XKR9: variants seen among roughly 807,000 people sequenced by gnomAD.
XKR9 encodes the protein XK-related protein 9.
XKR9 carries 32 observed loss-of-function variants against 32.0 expected under a neutral mutation model. The ratio of observed to expected loss-of-function variants is 1.00; its 90% CI spans 0.76 to 1.34. The LOEUF is 1.34. XKR9 is among the 40% of genes most tolerant of loss of function. The pLI is 0.00. For missense variants in XKR9, 546 were observed against 429.7 expected (o/e 1.27, Z -2.39); for synonymous variants, 168 against 143.4 (o/e 1.17, Z -1.22).
chr8:70,899,180 G>A, the XKR9 span, among the ~76,000 whole-genome samples: 2 of 151,938 alleles, frequency 1.3e-5, no homozygotes, highest in African/African-American at 2.4e-5. Context: ...ATTTGTCTTC[G>A]GTGTAAGGCA....
the XKR9 span, among the ~76,000 whole-genome samples, chr8:70,865,952 A>G: frequency 5.9e-5 from 9 of 152,234 alleles, no homozygotes; most frequent in African/African-American, 1.9e-4. Flanking sequence ...GGTGAAGGAA[A>G]GTATTGAGGT....
chr8:70,695,609 G>A (rs1423956890), intron 3 of XKR9, among the ~76,000 whole-genome samples: 1 of 151,772 alleles, frequency 6.6e-6, no homozygotes, highest in African/African-American at 2.4e-5. Context: ...CCAAGTCTTT[G>A]CTATTGTGAA....
At chr8:70,913,157 A>G in the XKR9 span, among the ~76,000 whole-genome samples, 1 of 152,200 alleles carries the variant, frequency 6.6e-6, no homozygotes, top group Non-Finnish European at 1.5e-5. Context: ...AATCCTATTG[A>G]GTGGGAATTT....
At chr8:70,779,343 T>A (rs1367575180) in intron 2 of XKR9, among the ~76,000 whole-genome samples, 1 of 152,196 alleles carries the variant, frequency 6.6e-6, no homozygotes, top group Non-Finnish European at 1.5e-5. Context: ...TGCTGCTGGA[T>A]TCAGTTTGCC....
At chr8:70,702,664 T>C (rs1805579750) in intron 3 of XKR9, among the ~76,000 whole-genome samples, 1 of 152,200 alleles carries the variant, frequency 6.6e-6, no homozygotes, top group African/African-American at 2.4e-5. Flanking sequence ...CTTATATTAT[T>C]ATGACATGTT....
intron 2 of XKR9, among the ~76,000 whole-genome samples, chr8:70,743,917 G>T (rs528991566): frequency 1.3e-5 from 2 of 151,948 alleles, no homozygotes; most frequent in Non-Finnish European, 2.9e-5. Context: ...GCTGTGAAGT[G>T]CTTTGAGGTA....
At chr8:71,019,653 C>A in the XKR9 span, among the ~76,000 whole-genome samples, 27 of 152,102 alleles carry the variant, frequency 1.8e-4, no homozygotes, top group Non-Finnish European at 1.5e-4. Flanking sequence ...TTAGATTAAG[C>A]CACACTTTGA....
At chr8:70,821,858 AG>A in the XKR9 span, among the ~76,000 whole-genome samples, 2 of 152,098 alleles carry the variant, frequency 1.3e-5, no homozygotes, top group Non-Finnish European at 2.9e-5. Flanking sequence ...CTGTGATGGG[AG>A]GGGCTGCCGT....
chr8:70,850,488 A>AGAAAATT, the XKR9 span, among the ~76,000 whole-genome samples: 1 of 149,838 alleles, frequency 6.7e-6, no homozygotes, highest in South Asian at 2.1e-4. Context: ...AAAAAAAGAA[A>AGAAAATT]GAAAATTTCA....
chr8:70,851,575 C>A, the XKR9 span, among the ~76,000 whole-genome samples: 1 of 152,042 alleles, frequency 6.6e-6, no homozygotes, highest in Non-Finnish European at 1.5e-5. Context: ...GTACTGGAAC[C>A]AAAACAGATG....
chr8:70,927,068 A>G, the XKR9 span, among the ~76,000 whole-genome samples: 2 of 152,036 alleles, frequency 1.3e-5, no homozygotes, highest in Non-Finnish European at 2.9e-5. Flanking sequence ...TATAAAATGT[A>G]TCTTATACAT....
chr8:70,984,357 G>C, the XKR9 span, among the ~76,000 whole-genome samples: 1 of 152,218 alleles, frequency 6.6e-6, no homozygotes, highest in Non-Finnish European at 1.5e-5. Flanking sequence ...ACTGCATCTT[G>C]TGGGTTCTGA....
chr8:70,997,120 A>T, the XKR9 span, among the ~76,000 whole-genome samples: 1 of 152,282 alleles, frequency 6.6e-6, no homozygotes, highest in East Asian at 1.9e-4. Flanking sequence ...CAACATGGCG[A>T]ATCCCTGTCT....
the XKR9 span, among the ~76,000 whole-genome samples, chr8:70,930,498 T>A: frequency 6.6e-6 from 1 of 152,266 alleles, no homozygotes; most frequent in South Asian, 2.1e-4. Flanking sequence ...ACAGCAAAAT[T>A]TGTTTAAAAA....
At chr8:70,810,741 T>A in the XKR9 span, among the ~76,000 whole-genome samples, 1 of 152,228 alleles carries the variant, frequency 6.6e-6, no homozygotes, top group Non-Finnish European at 1.5e-5. Flanking sequence ...AAGAGCTCAC[T>A]ATCCTAAATA....
chr8:70,926,764 A>G, the XKR9 span, among the ~76,000 whole-genome samples: 1 of 152,232 alleles, frequency 6.6e-6, no homozygotes, highest in Non-Finnish European at 1.5e-5. Flanking sequence ...AGAGAGAAAC[A>G]GCACCTTTGA....
rs1225872723 is a variant in XKR9 at position 70,707,734 on chromosome 8, A to C, written c.493+581A>C. 1.3e-5 allele frequency among the ~76,000 whole-genome samples: 2 copies of C among 152,004 alleles called. 1 individual carries two copies. Among genetic ancestry groups the C allele is most frequent in the African/African-American group, 4.8e-5 (2 of 41,434 alleles). On this transcript the variant is annotated intron_variant, in intron 4 of 4. Coordinates refer to ENST00000408926, the MANE Select transcript of XKR9 (RefSeq NM_001011720.2). ...AGTGGAATTACTGGGTAAGAGTGTA[A>C]ATGCTAAAAAACTAATGAATGTTTT... is the stretch of plus-strand genomic sequence containing the variant.
chr8:70,994,638 G>T, the XKR9 span, among the ~76,000 whole-genome samples: 1 of 151,790 alleles, frequency 6.6e-6, no homozygotes. Context: ...TTAATTTGGG[G>T]AGGTTCTTGG....
intron 2 of XKR9, among the ~76,000 whole-genome samples, chr8:70,744,673 G>A (rs1237618744): frequency 2.0e-5 from 3 of 152,142 alleles, no homozygotes; most frequent in East Asian, 1.9e-4. Flanking sequence ...TGGTGCGATC[G>A]TGGCTCACCA....
Sources: allele counts gnomAD v4.1 joint callset (sites outside exome capture counted in the v4.1 genomes callset), GRCh38; gene constraint gnomAD v4.1.1; transcripts MANE v1.5; gene names NCBI Gene and HGNC (gene_info 2026-07-23, HGNC 2026-07-21).